Variants in DMD observed in about 807,000 individuals in gnomAD.
The protein encoded by DMD is mutant dystrophin.
In DMD, 63 loss-of-function variants were observed where a neutral mutation model predicts 330.1. The observed-to-expected ratio is 0.19, with a 90% CI of 0.16 to 0.24. The LOEUF (loss-of-function observed/expected upper bound fraction) is 0.24. DMD is among the 10% of genes least tolerant of loss of function. DMD has a pLI of 1.00. For missense variants in DMD, 3,344 were observed against 2,684.1 expected (o/e 1.25, Z -5.43); for synonymous variants, 1,223 against 959.8 (o/e 1.27, Z -5.07).
intron 2 of DMD, among the ~76,000 whole-genome samples, chrX:32,921,320 C>T (rs969505714): frequency 1.8e-5 from 2 of 111,388 alleles, no homozygotes; most frequent in African/African-American, 6.5e-5. Context: ...AGAAAACGAA[C>T]AGAATTCAGA....
At position 31,990,156 on chromosome X, in the gene DMD, G is replaced by A. The variant is rs112750326; in HGVS notation, c.6439-21642C>T. On this transcript the variant is annotated intron_variant, in intron 44 of 78. Coordinates refer to ENST00000357033, the MANE Select transcript of DMD (RefSeq NM_004006.3). ...AACTAGCGCTTAATGTCTTCATAAC[G>A]TAAGTGGAAGCGATGAAAATATACT... Among the ~76,000 whole-genome samples, 463 of 112,305 alleles carry A rather than the reference G, an allele frequency of 4.1e-3. 2 individuals are homozygous for A. Among genetic ancestry groups the A allele is most frequent in the Middle Eastern group, 0.014 (3 of 216 alleles).
intron 51 of DMD, among the ~76,000 whole-genome samples, chrX:31,771,847 G>A (rs762831848): frequency 9.0e-6 from 1 of 111,261 alleles, no homozygotes; most frequent in Non-Finnish European, 1.9e-5. Flanking sequence ...CTCTGTGAGG[G>A]GGCATCAAAT....
intron 53 of DMD, among the ~76,000 whole-genome samples, chrX:31,668,433 T>G (rs1328413669): frequency 9.0e-6 from 1 of 110,690 alleles, no homozygotes; most frequent in Non-Finnish European, 1.9e-5. Flanking sequence ...ATATTATTAT[T>G]ATAAAGTTTA....
chrX:31,747,579 G>A (rs1317504872), intron 51 of DMD, among the ~76,000 whole-genome samples: 1 of 111,502 alleles, frequency 9.0e-6, no homozygotes, highest in African/African-American at 3.3e-5. Context: ...CATGAAAGGA[G>A]CCCAGCTTGA....
intron 54 of DMD, among the ~76,000 whole-genome samples, chrX:31,630,623 C>A (rs1172149083): frequency 9.1e-6 from 1 of 110,056 alleles, no homozygotes; most frequent in African/African-American, 3.3e-5. Context: ...TTAAATTTTC[C>A]GGAACCATAT....
chrX:31,852,929 G>C (rs1269697788), intron 48 of DMD, among the ~76,000 whole-genome samples: 2 of 112,368 alleles, frequency 1.8e-5, no homozygotes, highest in Non-Finnish European at 3.8e-5. Flanking sequence ...TGTCGCCCAG[G>C]CTGGAGTGCA....
intron 62 of DMD, among the ~76,000 whole-genome samples, chrX:31,303,475 G>C (rs1211386498): frequency 9.0e-6 from 1 of 111,512 alleles, no homozygotes; most frequent in Non-Finnish European, 1.9e-5. Flanking sequence ...CAGAAATCTA[G>C]GTGTGATTCC....
chrX:32,152,307 T>C (rs930818555), intron 44 of DMD, among the ~76,000 whole-genome samples: 7 of 111,673 alleles, frequency 6.3e-5, no homozygotes, highest in African/African-American at 2.3e-4. Context: ...TGCTTGTATA[T>C]TGCAAATGCT....
chrX:31,443,506 CTAA>C (rs764934570), intron 60 of DMD, among the ~76,000 whole-genome samples: 12 of 110,707 alleles, frequency 1.1e-4, no homozygotes, highest in Non-Finnish European at 2.3e-4. Flanking sequence ...CTTATTCATC[CTAA>C]TAATAAACTG....
intron 11 of DMD, among the ~76,000 whole-genome samples, chrX:32,632,365 G>A (rs772823569): frequency 9.0e-6 from 1 of 111,651 alleles, no homozygotes; most frequent in Non-Finnish European, 1.9e-5. Context: ...TTCATTTCCA[G>A]ATACAAGGGT....
intron 74 of DMD, among the ~76,000 whole-genome samples, chrX:31,167,145 T>G (rs1459785491): frequency 1.8e-5 from 2 of 111,565 alleles, no homozygotes. Flanking sequence ...TTACTCTTCT[T>G]TATTATCTGG....
intron 44 of DMD, among the ~76,000 whole-genome samples, chrX:32,008,012 A>G: frequency 9.0e-6 from 1 of 111,608 alleles, no homozygotes; most frequent in Non-Finnish European, 1.9e-5. Flanking sequence ...AAAAGAAATT[A>G]TCTGATGCAT....
At position 31,875,487 on chromosome X, in the gene DMD, T is replaced by A. The variant is rs45618538; in HGVS notation, c.6913-114A>T. 100,005 of 606,627 alleles carry A rather than the reference T, an allele frequency of 0.16. 6,538 individuals carry two copies. Among genetic ancestry groups the A allele is most frequent in the Admixed American group, 0.32 (9,764 of 30,184 alleles). 50.0% of individuals were successfully genotyped at this position (606,627 alleles called of 1,213,427 possible). A position where few individuals can be genotyped will look rare whatever the true frequency, so the allele number is the denominator to read the frequency against. On this transcript the variant is annotated intron_variant, in intron 47 of 78. Coordinates refer to ENST00000357033, the MANE Select transcript of DMD (RefSeq NM_004006.3). ...ATGAAATATTACAGAATCTTACTGA[T>A]TTGTGTTATTTTAGCAGCATAATAT...
At chrX:33,018,390 A>G (rs2093845784) in intron 2 of DMD, among the ~76,000 whole-genome samples, 1 of 111,966 alleles carries the variant, frequency 8.9e-6, no homozygotes, top group African/African-American at 3.2e-5. Context: ...AGATATGGGC[A>G]TTCATAAGGA....
At chrX:32,162,898 C>A (rs1372111044) in intron 44 of DMD, among the ~76,000 whole-genome samples, 1 of 110,173 alleles carries the variant, frequency 9.1e-6, no homozygotes, top group Non-Finnish European at 1.9e-5. Flanking sequence ...GCCTGAATAG[C>A]CATTCATTCC....
At chrX:31,866,448 A>G (rs1167517479) in intron 48 of DMD, among the ~76,000 whole-genome samples, 1 of 112,076 alleles carries the variant, frequency 8.9e-6, no homozygotes. Context: ...CTCAAATTTT[A>G]GAACACAGCC....
chrX:33,071,786 T>A (rs935988206), intron 1 of DMD, among the ~76,000 whole-genome samples: 3 of 111,964 alleles, frequency 2.7e-5, no homozygotes, highest in Non-Finnish European at 5.6e-5. Context: ...AAATTTTTTA[T>A]GAGATAAAGA....
intron 1 of DMD, among the ~76,000 whole-genome samples, chrX:33,236,083 T>C (rs1352980895): frequency 9.7e-6 from 1 of 103,592 alleles, no homozygotes; most frequent in Non-Finnish European, 2.0e-5. Flanking sequence ...GCCCGGCTAA[T>C]TTTTTTGTAT....
chrX:32,643,049 G>T (rs1418033177), intron 11 of DMD, among the ~76,000 whole-genome samples: 1 of 111,080 alleles, frequency 9.0e-6, no homozygotes, highest in Non-Finnish European at 1.9e-5. Flanking sequence ...TAAACACTGG[G>T]GAGTGGGCAG....
Sources: allele counts gnomAD v4.1 joint callset (sites outside exome capture counted in the v4.1 genomes callset), GRCh38; gene constraint gnomAD v4.1.1; transcripts MANE v1.5; gene names NCBI Gene and HGNC (gene_info 2026-07-23, HGNC 2026-07-21).